PLCH1: variants seen among roughly 807,000 people sequenced by gnomAD.
The protein encoded by PLCH1 is phospholipase C eta 1.
PLCH1 carries 60 observed loss-of-function variants against 126.7 expected under a neutral mutation model. The ratio of observed to expected loss-of-function variants is 0.47; its 90% confidence interval spans 0.38 to 0.59. PLCH1 has a LOEUF of 0.59. PLCH1 is among the 20% of genes least tolerant of loss of function. The pLI is 0.00. For missense variants in PLCH1, 1,723 were observed against 2,040.0 expected, an observed-to-expected ratio of 0.84 and a Z score of 2.99; for synonymous variants, 719 against 734.9, an observed-to-expected ratio of 0.98 and a Z score of 0.35.
chr3:155,603,092 A>C (rs895456852), intron 2 of PLCH1, among the ~76,000 whole-genome samples: 6 of 152,144 alleles, frequency 3.9e-5, no homozygotes, highest in African/African-American at 9.7e-5. Context: ...TTGTGAACAC[A>C]TCTATTCTGG....
chr3:155,523,553 G>A (rs754924113), intron 11 of PLCH1, among the ~76,000 whole-genome samples: 2 of 152,124 alleles, frequency 1.3e-5, no homozygotes, highest in South Asian at 2.1e-4. Flanking sequence ...CACGAGGTAG[G>A]GAAGGCAATG....
rs114227431 is a variant in PLCH1 at position 155,689,485 on chromosome 3, T to C, written c.79+14661A>G. Among the ~76,000 whole-genome samples, 197 of 152,024 alleles carry C rather than the reference T, an allele frequency of 1.3e-3. 1 individual carries two copies. The highest frequency in any genetic ancestry group is 4.5e-3 in the African/African-American group (187 of 41,462). Reference sequence around the variant, plus strand: ...AAACAGAGATATATGACCTTTCACATAGAGAATTCAAAATGGCTGTTTTGA... The same window carrying C: ...AAACAGAGATATATGACCTTTCACACAGAGAATTCAAAATGGCTGTTTTGA... On this transcript the variant is annotated intron_variant, in intron 2 of 22. Transcript: ENST00000460012.
chr3:155,559,562 A>G (rs1484306067), intron 8 of PLCH1, among the ~76,000 whole-genome samples: 1 of 152,210 alleles, frequency 6.6e-6, no homozygotes. Flanking sequence ...TTCAACTTCT[A>G]TTGTCCAGTT....
At chr3:155,466,498 G>GA (rs1712937145) in intron 21 of PLCH1, among the ~76,000 whole-genome samples, 1 of 152,170 alleles carries the variant, frequency 6.6e-6, no homozygotes, top group African/African-American at 2.4e-5. Flanking sequence ...CAAATACCTA[G>GA]AAAACCTTTC....
chr3:155,476,689 A>C (rs1576772510), downstream of PLCH1, among the ~76,000 whole-genome samples: 1 of 152,100 alleles, frequency 6.6e-6, no homozygotes, highest in South Asian at 2.1e-4. Context: ...TCCTATTTAC[A>C]ATAGCCACAT....
chr3:155,676,253 A>G (rs899286383), intron 2 of PLCH1: 3 of 1,219,738 alleles, frequency 2.5e-6, no homozygotes, highest in African/African-American at 3.1e-5. Context: ...AATCCATGAG[A>G]TATGATTATA....
intron 1 of PLCH1, among the ~76,000 whole-genome samples, chr3:155,734,364 G>A (rs1261767269): frequency 6.6e-6 from 1 of 152,160 alleles, no homozygotes; most frequent in Non-Finnish European, 1.5e-5. Flanking sequence ...GGAGACTGAG[G>A]TGGGAGGATT....
intron 2 of PLCH1, among the ~76,000 whole-genome samples, chr3:155,703,042 A>T (rs982726099): frequency 2.0e-5 from 3 of 152,192 alleles, no homozygotes; most frequent in Non-Finnish European, 2.9e-5. Context: ...AATTAGTTAC[A>T]TCAACTTGGG....
At chr3:155,488,003 C>CT in intron 21 of PLCH1, 25 bp downstream of exon 21, 1 of 1,319,384 alleles carries the variant, frequency 7.6e-7, no homozygotes, top group South Asian at 1.2e-5. Context: ...ATGTATATGA[C>CT]TTTAAATCCT....
intron 9 of PLCH1, 54 bp downstream of exon 9, chr3:155,554,022 G>C: frequency 1.3e-6 from 2 of 1,575,254 alleles, no homozygotes; most frequent in Admixed American, 1.7e-5. Context: ...GTTACATCAG[G>C]CAATGCTCCA....
intron 2 of PLCH1, among the ~76,000 whole-genome samples, chr3:155,614,011 A>C (rs1240239281): frequency 6.6e-6 from 1 of 152,208 alleles, no homozygotes; most frequent in Non-Finnish European, 1.5e-5. Flanking sequence ...ACAACAACCA[A>C]GCTGAGAATC....
chr3:155,673,188 A>C (rs1743714615), intron 2 of PLCH1, among the ~76,000 whole-genome samples: 1 of 150,116 alleles, frequency 6.7e-6, no homozygotes, highest in Non-Finnish European at 1.5e-5. Flanking sequence ...CATCCTCATC[A>C]TATTTCAAGG....
intron 2 of PLCH1, among the ~76,000 whole-genome samples, chr3:155,669,659 T>A (rs908118341): frequency 6.6e-6 from 1 of 152,108 alleles, no homozygotes; most frequent in Non-Finnish European, 1.5e-5. Flanking sequence ...AGTTAGTAAA[T>A]AAAAGGAATA....
chr3:155,487,286 A>G (rs1369363090), intron 21 of PLCH1, among the ~76,000 whole-genome samples: 1 of 152,210 alleles, frequency 6.6e-6, no homozygotes, highest in Non-Finnish European at 1.5e-5. Flanking sequence ...CAGATGAGGA[A>G]GCTTCCAGCT....
Position 155,568,264 on chromosome 3 carries a change from C to T in PLCH1, c.832G>A (p.Glu278Lys). The T allele has an allele frequency of 6.6e-7, 1 of 1,525,146 alleles. No homozygotes were observed. The highest frequency in any genetic ancestry group is 9.1e-7 in the Non-Finnish European group (1 of 1,101,202). 94.5% of individuals were successfully genotyped at this position (1,525,146 alleles called of 1,614,324 possible). The stretch of plus-strand genomic sequence containing the variant: ...CCAAGAACATTTTTCACCTTATTTT[C>T]TTCTGAAACTTCAAACTTCTTTATG... ...DIIKKFEVSE[E>K]NKVKNVLGIE... Residue 278 changes from glutamate (E) to lysine (K), a missense_variant, in exon 7 of 23, where the codon GAA becomes AAA. Transcript: ENST00000460012.
At chr3:155,510,895 A>G (rs1256756818) in intron 12 of PLCH1, among the ~76,000 whole-genome samples, 4 of 97,662 alleles carry the variant, frequency 4.1e-5, no homozygotes, top group Non-Finnish European at 7.6e-5. Flanking sequence ...GAATCTGAAC[A>G]TTGGCCTGCC....
chr3:155,575,453 C>T (rs1729801518), intron 6 of PLCH1, among the ~76,000 whole-genome samples: 1 of 152,086 alleles, frequency 6.6e-6, no homozygotes, highest in Non-Finnish European at 1.5e-5. Flanking sequence ...GTGCAATTTT[C>T]AGAGCTACTA....
At position 155,494,622 on chromosome 3, in the gene PLCH1, C is replaced by CA. The variant is rs2108096973; in HGVS notation, c.1895-106dup. 5.6e-6 allele frequency: 5 copies of CA among 891,036 alleles called. No individual in the cohort carries two copies. In the East Asian group the frequency reaches 1.3e-4, roughly 22 times the overall value. 55.2% of individuals were successfully genotyped at this position (891,036 alleles called of 1,614,324 possible). A position where few individuals can be genotyped will look rare whatever the true frequency, so the allele number is the denominator to read the frequency against. ...GTCAGATTATACCAATAGCAAAAAG[C>CA]AGAGCACTAGAGAGTGGATTCAACC... is the stretch of plus-strand genomic sequence containing the variant. On this transcript the variant is annotated intron_variant, in intron 15 of 22. Transcript: ENST00000460012.
chr3:155,743,686 T>G lies in PLCH1; in HGVS notation c.-41+1154A>C, dbSNP rs1749785023. ...CTACCGCCTCTTCTGGGAAATCCTT[T>G]GTTTCTTTTCATTGGCATTATACTC... is the stretch of plus-strand genomic sequence containing the variant. On this transcript the variant is annotated intron_variant, in intron 1 of 22. Coordinates refer to ENST00000460012, the MANE Select transcript of PLCH1 (RefSeq NM_014996.4). 4 of 372,796 alleles carry G rather than the reference T, an allele frequency of 1.1e-5. No individual in the cohort carries two copies. The Admixed American group carries it at 1.6e-4, about 15-fold the overall frequency. 23.1% of individuals were successfully genotyped at this position (372,796 alleles called of 1,614,324 possible). A position where few individuals can be genotyped will look rare whatever the true frequency, so the allele number is the denominator to read the frequency against.
Sources: gnomAD v4.1 joint callset for allele counts (sites outside exome capture counted in the v4.1 genomes callset) on GRCh38, gnomAD v4.1.1 for gene constraint, MANE v1.5 for transcripts, NCBI Gene and HGNC (gene_info 2026-07-23, HGNC 2026-07-21) for gene names.